The following KCNQ5 variants were observed in gnomAD, a reference collection of about 807,000 sequenced individuals.
KCNQ5 encodes potassium voltage-gated channel subfamily Q member 5.
A neutral mutation model predicts 98.2 loss-of-function variants in KCNQ5; 30 were observed. The observed-to-expected ratio is 0.31, with a 90% confidence interval of 0.23 to 0.41. The LOEUF is 0.41. Among genes scored for constraint, KCNQ5 ranks in the 10% least tolerant of loss-of-function variants. The pLI is 1.00. For missense variants in KCNQ5, 835 were observed against 1,182.5 expected (o/e 0.71, Z 4.31); for synonymous variants, 458 against 449.4 (o/e 1.02, Z -0.24).
chr6:72,812,692 T>C (rs1325485091), intron 1 of KCNQ5, among the ~76,000 whole-genome samples: 1 of 152,136 alleles, frequency 6.6e-6, no homozygotes, highest in Admixed American at 6.6e-5. Context: ...CTAGGTTGAT[T>C]AGACTGGCTC....
At chr6:73,117,870 TG>T (rs1194542788) in intron 7 of KCNQ5, among the ~76,000 whole-genome samples, 1 of 152,162 alleles carries the variant, frequency 6.6e-6, no homozygotes, top group African/African-American at 2.4e-5. Flanking sequence ...CATTTCAAGA[TG>T]ATGCAACAAT....
At chr6:73,129,328 C>CTATA (rs991572354) in intron 9 of KCNQ5, among the ~76,000 whole-genome samples, 5 of 151,774 alleles carry the variant, frequency 3.3e-5, no homozygotes, top group Admixed American at 6.6e-5. Flanking sequence ...AACATATATT[C>CTATA]TGACAATTGG....
intron 5 of KCNQ5, among the ~76,000 whole-genome samples, chr6:73,093,041 C>T (rs929732536): frequency 6.6e-6 from 1 of 151,880 alleles, no homozygotes; most frequent in African/African-American, 2.4e-5. Flanking sequence ...TGGTCCTGGA[C>T]TTTTTTTGTT....
At chr6:72,941,663 CATCTCT>C (rs1766310377) in intron 1 of KCNQ5, among the ~76,000 whole-genome samples, 1 of 99,648 alleles carries the variant, frequency 1.0e-5, no homozygotes, top group African/African-American at 3.0e-5. Flanking sequence ...CCTCCCTCCC[CATCTCT>C]TTCTTTCTTT....
chr6:73,064,282 T>C (rs745864127), intron 3 of KCNQ5, among the ~76,000 whole-genome samples: 2 of 152,226 alleles, frequency 1.3e-5, no homozygotes, highest in African/African-American at 2.4e-5. Flanking sequence ...AACTGGCTGC[T>C]AAGTTTCAGA....
At chr6:73,162,703 A>G (rs1428596704) in intron 10 of KCNQ5, among the ~76,000 whole-genome samples, 2 of 152,240 alleles carry the variant, frequency 1.3e-5, no homozygotes, top group African/African-American at 2.4e-5. Context: ...TGACAACTCA[A>G]GATATAGCAG....
At chr6:73,121,584 T>G (rs1775751008) in intron 8 of KCNQ5, among the ~76,000 whole-genome samples, 1 of 152,136 alleles carries the variant, frequency 6.6e-6, no homozygotes, top group Admixed American at 6.5e-5. Flanking sequence ...CTTTTCTTCA[T>G]AGCCCAACAA....
chr6:72,734,287 T>C (rs1281548599), intron 1 of KCNQ5, among the ~76,000 whole-genome samples: 5 of 152,118 alleles, frequency 3.3e-5, no homozygotes, highest in Non-Finnish European at 7.4e-5. Flanking sequence ...TAACACAAAT[T>C]TTTTAAACAT....
At chr6:73,142,573 G>T (rs913397368) in intron 10 of KCNQ5, among the ~76,000 whole-genome samples, 1 of 151,700 alleles carries the variant, frequency 6.6e-6, no homozygotes, top group East Asian at 1.9e-4. Flanking sequence ...ACTCTCAAAA[G>T]GAATATTAAC....
At chr6:72,955,418 T>C (rs1348340363) in intron 1 of KCNQ5, among the ~76,000 whole-genome samples, 4 of 152,250 alleles carry the variant, frequency 2.6e-5, no homozygotes, top group Non-Finnish European at 4.4e-5. Context: ...TACTTTGATA[T>C]ATTTCATCTC....
intron 1 of KCNQ5, among the ~76,000 whole-genome samples, chr6:72,861,490 G>A (rs892673473): frequency 6.6e-6 from 1 of 152,112 alleles, no homozygotes; most frequent in African/African-American, 2.4e-5. Flanking sequence ...TCACCAGAAT[G>A]TCCCTAAGTA....
intron 1 of KCNQ5, among the ~76,000 whole-genome samples, chr6:72,752,488 G>A (rs1771734073): frequency 8.5e-5 from 13 of 152,054 alleles, no homozygotes; most frequent in Admixed American, 8.5e-4. Flanking sequence ...AGGTAAACAA[G>A]CTTGGAATGA....
At chr6:73,117,174 AT>A (rs1233176480) in intron 7 of KCNQ5, among the ~76,000 whole-genome samples, 1 of 152,200 alleles carries the variant, frequency 6.6e-6, no homozygotes, top group Non-Finnish European at 1.5e-5. Context: ...CTACTGTGTG[AT>A]TTTGGCTTTA....
intron 1 of KCNQ5, among the ~76,000 whole-genome samples, chr6:72,856,335 AAG>A (rs138694886): frequency 0.039 from 5,875 of 152,168 alleles, 292 homozygotes; most frequent in East Asian, 0.15. Context: ...TTTCTTAGAT[AAG>A]AGTTTTTTTT....
chr6:73,106,832 A>C (rs1775020744), intron 6 of KCNQ5, among the ~76,000 whole-genome samples: 1 of 152,180 alleles, frequency 6.6e-6, no homozygotes, highest in Non-Finnish European at 1.5e-5. Flanking sequence ...AGCCCAGAGA[A>C]ATTTTGTGCG....
intron 1 of KCNQ5, among the ~76,000 whole-genome samples, chr6:72,838,928 C>A (rs1008718278): frequency 1.8e-5 from 2 of 113,862 alleles, no homozygotes; most frequent in East Asian, 2.5e-4. Context: ...CCAGCCTGGG[C>A]GACAGAGCGA....
chr6:73,191,885 C>G (rs1053393141), intron 12 of KCNQ5, among the ~76,000 whole-genome samples: 1 of 151,962 alleles, frequency 6.6e-6, no homozygotes, highest in African/African-American at 2.4e-5. Context: ...TAAACACATA[C>G]AAAAAAAGAA....
chr6:72,789,211 G>T (rs1438467133), intron 1 of KCNQ5, among the ~76,000 whole-genome samples: 3 of 152,030 alleles, frequency 2.0e-5, no homozygotes, highest in African/African-American at 7.3e-5. Flanking sequence ...AGGATGGAGG[G>T]CAGTGGCATA....
chr6:72,882,308 T>A (rs1778662447), intron 1 of KCNQ5, among the ~76,000 whole-genome samples: 1 of 152,218 alleles, frequency 6.6e-6, no homozygotes, highest in Non-Finnish European at 1.5e-5. Context: ...AGTCCTGCTG[T>A]ACAAAGAGAG....
Sources: gnomAD v4.1 joint callset for allele counts (sites outside exome capture counted in the v4.1 genomes callset) on GRCh38, gnomAD v4.1.1 for gene constraint, MANE v1.5 for transcripts, NCBI Gene and HGNC (gene_info 2026-07-23, HGNC 2026-07-21) for gene names.